SYTL3: variants seen among roughly 807,000 people sequenced by gnomAD.
SYTL3 encodes synaptotagmin like 3.
In SYTL3, 88 loss-of-function variants were observed where a neutral mutation model predicts 82.1. The observed-to-expected ratio is 1.07, with a 90% CI of 0.90 to 1.28. The LOEUF (loss-of-function observed/expected upper bound fraction) is 1.28. Ranked by LOEUF, SYTL3 falls within the 50% of genes most tolerant of loss-of-function variation. The pLI, the probability that SYTL3 is intolerant of heterozygous loss-of-function variation, is 0.00. For synonymous variants in SYTL3, 311 were observed against 289.4 expected, an observed-to-expected ratio of 1.07 and a Z score of -0.76; for missense variants, 831 against 757.6, an observed-to-expected ratio of 1.10 and a Z score of -1.14.
intron 2 of SYTL3, among the ~76,000 whole-genome samples, chr6:158,652,187 C>CA (rs1222046131): frequency 6.6e-6 from 1 of 151,962 alleles, no homozygotes; most frequent in Non-Finnish European, 1.5e-5. Context: ...CTCGGCCTCC[C>CA]AAAGTGTTGG....
chr6:158,746,453 A>AT (rs1554263746), intron 12 of SYTL3, among the ~76,000 whole-genome samples: 5,850 of 99,388 alleles, frequency 0.059, 144 homozygotes, highest in Non-Finnish European at 0.076. Context: ...AATAATAATA[A>AT]TAATAATATT....
chr6:158,653,513 A>G (rs1437630302), intron 2 of SYTL3, among the ~76,000 whole-genome samples: 1 of 152,076 alleles, frequency 6.6e-6, no homozygotes, highest in African/African-American at 2.4e-5. Context: ...CTCAGAGAAA[A>G]AAAAAAAGAA....
At chr6:158,749,507 C>CTTTTTTTTTT (rs765386344) in intron 12 of SYTL3, among the ~76,000 whole-genome samples, 6 of 66,028 alleles carry the variant, frequency 9.1e-5, no homozygotes, top group African/African-American at 1.9e-4. Flanking sequence ...TTCTTTCTCT[C>CTTTTTTTTTT]TTTTTTTTTT....
In SYTL3 at chr6:158,673,262, G is replaced by C. The variant is rs576867750; in HGVS notation, c.329+7649G>C. On this transcript the variant is annotated intron_variant, in intron 5 of 17. Coordinates refer to ENST00000611299, the MANE Select transcript of SYTL3 (RefSeq NM_001242394.2). ...TTCTGTATCCTTTTTATTAAAAACAGTTTCTAATATGTGTCTGGGAATGAT... is the reference window on the plus strand; with the variant it reads ...TTCTGTATCCTTTTTATTAAAAACACTTTCTAATATGTGTCTGGGAATGAT... 1.1e-3 allele frequency among the ~76,000 whole-genome samples: 173 copies of C among 151,330 alleles called. 2 individuals are homozygous for C. The highest frequency in any genetic ancestry group is 1.2e-3 in the Admixed American group (18 of 15,168).
At chr6:158,680,880 T>C (rs1583213248) in intron 5 of SYTL3, among the ~76,000 whole-genome samples, 1 of 81,490 alleles carries the variant, frequency 1.2e-5, no homozygotes, top group Non-Finnish European at 2.4e-5. Context: ...GAGAGAAAGT[T>C]AGTTGATATC....
chr6:158,751,972 AG>A lies in SYTL3; in HGVS notation c.1080del (p.Lys360AsnfsTer19). 1 of 1,602,556 alleles carries A rather than the reference AG, an allele frequency of 6.2e-7. No homozygotes were observed. The highest frequency in any genetic ancestry group is 2.3e-5 in the East Asian group (1 of 43,832). The stretch of plus-strand genomic sequence containing the variant: ...TTGCCCGACAGATCCTCCCAGGGAA[AG>A]CGCAAGACTGGAGTCCAAAGGAACA... ...YLLPDRSSQGKRKTGVQRNTV... is the reference protein window; with the variant it reads ...YLLPDRSSQGXRKTGVQRNTV... On this transcript the variant is annotated frameshift_variant, in exon 13 of 18. Coordinates refer to ENST00000611299, the MANE Select transcript of SYTL3 (RefSeq NM_001242394.2). LOFTEE classifies it high-confidence loss of function.
rs1435819891 is a variant in SYTL3 at position 158,763,312 on chromosome 6, C to T, written c.1526C>T (p.Thr509Ile). 1 of 1,614,184 alleles carries T rather than the reference C, an allele frequency of 6.2e-7. No homozygotes were observed. The highest frequency in any genetic ancestry group is 2.2e-5 in the East Asian group (1 of 44,882). Residue 509 changes from threonine to isoleucine, a missense_variant, in exon 17 of 18, where the codon ACT becomes ATT. Physicochemically the swap from Thr to Ile is moderately conservative, Grantham distance 89. Transcript: ENST00000611299. The stretch of plus-strand genomic sequence containing the variant: ...TTGTGTTCCCTCTTCAGCTGTCTCA[C>T]TCTGCCAGACCAACAAAAACTGAGA... ...TLNSFVKGCL[T>I]LPDQQKLRLK...
At chr6:158,667,630 T>C (rs930692745) in intron 5 of SYTL3, among the ~76,000 whole-genome samples, 2 of 152,154 alleles carry the variant, frequency 1.3e-5, no homozygotes. Flanking sequence ...CCGATCATTG[T>C]CTCCCCTGCT....
intron 11 of SYTL3, among the ~76,000 whole-genome samples, chr6:158,736,447 A>G (rs1337196442): frequency 2.0e-5 from 3 of 152,200 alleles, no homozygotes; most frequent in Admixed American, 6.5e-5. Flanking sequence ...AAATTTCAAA[A>G]TCAGGTAAAA....
chr6:158,676,350 A>G (rs1778030985), intron 5 of SYTL3, among the ~76,000 whole-genome samples: 1 of 152,194 alleles, frequency 6.6e-6, no homozygotes, highest in South Asian at 2.1e-4. Flanking sequence ...CTGGCTAGCC[A>G]TATGTAGAAA....
chr6:158,764,169 C>A (rs991368519), intron 17 of SYTL3, among the ~76,000 whole-genome samples: 9 of 152,242 alleles, frequency 5.9e-5, no homozygotes, highest in Non-Finnish European at 1.2e-4. Context: ...TGAGACGGCC[C>A]CACCCAGCTA....
chr6:158,697,098 C>T (rs937083929), intron 6 of SYTL3, among the ~76,000 whole-genome samples: 4 of 151,002 alleles, frequency 2.6e-5, no homozygotes, highest in Non-Finnish European at 4.4e-5. Context: ...AAAAATTAAC[C>T]CAAAATGCAT....
intron 11 of SYTL3, among the ~76,000 whole-genome samples, chr6:158,739,992 TAC>T (rs1491580791): frequency 7.6e-6 from 1 of 130,978 alleles, no homozygotes; most frequent in Non-Finnish European, 1.6e-5. Context: ...TTAGGCAACT[TAC>T]TTTTTTTTTT....
At position 158,725,487 on chromosome 6, in the gene SYTL3, G is replaced by GT. The variant is rs1201650876; in HGVS notation, c.721-11dup. 14 of 1,612,546 alleles carry GT rather than the reference G, an allele frequency of 8.7e-6. No homozygotes were observed. The highest frequency in any genetic ancestry group is 1.1e-5 in the Non-Finnish European group (13 of 1,179,362). On this transcript the variant is annotated splice_polypyrimidine_tract_variant and intron_variant, in intron 10 of 17. Coordinates refer to ENST00000611299, the MANE Select transcript of SYTL3 (RefSeq NM_001242394.2). ...GATGGAGACTATAATATTAATTTCTGTTTTTCCTTCTCCAGAAGGTCAGTG... is the reference window on the plus strand; with the variant it reads ...GATGGAGACTATAATATTAATTTCTGTTTTTTCCTTCTCCAGAAGGTCAGTG...
chr6:158,693,249 A>G (rs940065475), intron 6 of SYTL3, among the ~76,000 whole-genome samples: 1 of 152,178 alleles, frequency 6.6e-6, no homozygotes, highest in Non-Finnish European at 1.5e-5. Flanking sequence ...ACAGCGTCTC[A>G]TTTTGTCACC....
chr6:158,657,892 CT>C (rs1345023141), intron 2 of SYTL3, among the ~76,000 whole-genome samples: 1 of 135,934 alleles, frequency 7.4e-6, no homozygotes, highest in African/African-American at 2.8e-5. Flanking sequence ...TTTTTTTTAA[CT>C]TATTACTATT....
intron 6 of SYTL3, among the ~76,000 whole-genome samples, chr6:158,686,864 T>TTCTCCCTCCTCCTGGCCCTGG (rs1249633644): frequency 6.6e-6 from 1 of 152,150 alleles, no homozygotes; most frequent in African/African-American, 2.4e-5. Flanking sequence ...CATGAGCCCC[T>TTCTCCCTCCTCCTGGCCCTGG]TCTCCCTCCT....
At chr6:158,657,872 ATTTC>A (rs1283797837) in intron 2 of SYTL3, among the ~76,000 whole-genome samples, 1 of 96,510 alleles carries the variant, frequency 1.0e-5, no homozygotes, top group Non-Finnish European at 2.0e-5. Flanking sequence ...CACTAGTTGC[ATTTC>A]TTTTTTTTTT....
intron 6 of SYTL3, among the ~76,000 whole-genome samples, chr6:158,696,777 T>C (rs1780603848): frequency 6.6e-6 from 1 of 152,020 alleles, no homozygotes; most frequent in Non-Finnish European, 1.5e-5. Flanking sequence ...CAAAACTTAC[T>C]ACAAAGCTAC....
Sources: allele counts gnomAD v4.1 joint callset (sites outside exome capture counted in the v4.1 genomes callset), GRCh38; gene constraint gnomAD v4.1.1; transcripts MANE v1.5; gene names NCBI Gene and HGNC (gene_info 2026-07-23, HGNC 2026-07-21).